The following GRM7 variants were observed in gnomAD, a reference collection of about 807,000 sequenced individuals.
The protein encoded by GRM7 is glutamate metabotropic receptor 7.
A neutral mutation model predicts 84.5 loss-of-function variants in GRM7; 35 were observed. That is an observed-to-expected ratio of 0.41 (90% confidence interval 0.32 to 0.55). The LOEUF is 0.55. GRM7 is among the 20% of genes least tolerant of loss of function. The pLI, the probability that GRM7 is intolerant of heterozygous loss-of-function variation, is 0.19. For missense variants in GRM7, 1,003 were observed against 1,194.6 expected (o/e 0.84, Z 2.36); for synonymous variants, 487 against 455.1 (o/e 1.07, Z -0.89).
intron 8 of GRM7, among the ~76,000 whole-genome samples, chr3:7,613,655 T>G (rs1409140506): frequency 6.6e-6 from 1 of 152,138 alleles, no homozygotes; most frequent in Non-Finnish European, 1.5e-5. Context: ...TATGACCCCT[T>G]CCTGTGGAAG....
chr3:7,258,646 G>A (rs978247741), intron 2 of GRM7, among the ~76,000 whole-genome samples: 11 of 152,190 alleles, frequency 7.2e-5, no homozygotes, highest in African/African-American at 2.7e-4. Flanking sequence ...TTTAAACATT[G>A]TATAAAGAAG....
chr3:7,030,367 A>G (rs1696145673), intron 1 of GRM7, among the ~76,000 whole-genome samples: 1 of 152,118 alleles, frequency 6.6e-6, no homozygotes, highest in Admixed American at 6.6e-5. Flanking sequence ...GCCCCTAGAC[A>G]CTTTTGGGGG....
At chr3:7,007,165 C>G (rs1478017538) in intron 1 of GRM7, among the ~76,000 whole-genome samples, 2 of 152,134 alleles carry the variant, frequency 1.3e-5, no homozygotes, top group African/African-American at 2.4e-5. Context: ...GGCAGGGGCC[C>G]TACTCCTGAT....
chr3:7,695,365 G>A (rs774169707), intron 9 of GRM7, among the ~76,000 whole-genome samples: 6 of 152,158 alleles, frequency 3.9e-5, no homozygotes, highest in Non-Finnish European at 7.3e-5. Flanking sequence ...CTGGCCTTTT[G>A]TAGGCAAAGT....
chr3:7,191,459 A>G (rs1241167601), intron 2 of GRM7, among the ~76,000 whole-genome samples: 1 of 152,126 alleles, frequency 6.6e-6, no homozygotes, highest in Non-Finnish European at 1.5e-5. Context: ...ACAAAATTCT[A>G]TGCACATATT....
intron 5 of GRM7, among the ~76,000 whole-genome samples, chr3:7,421,916 TAA>T (rs773501237): frequency 2.0e-3 from 160 of 78,796 alleles, no homozygotes; most frequent in South Asian, 5.4e-3. Flanking sequence ...CTACAAACAG[TAA>T]AAAAAAAAAA....
intron 4 of GRM7, among the ~76,000 whole-genome samples, chr3:7,316,385 A>G (rs1700583940): frequency 1.3e-5 from 2 of 152,164 alleles, no homozygotes; most frequent in Non-Finnish European, 2.9e-5. Flanking sequence ...AAGAAGGATA[A>G]TATCTAGGAG....
At chr3:7,010,656 G>T (rs1451447587) in intron 1 of GRM7, among the ~76,000 whole-genome samples, 3 of 152,160 alleles carry the variant, frequency 2.0e-5, no homozygotes, top group Non-Finnish European at 4.4e-5. Context: ...AGTAGAATAG[G>T]TTAGAGACAA....
intron 1 of GRM7, among the ~76,000 whole-genome samples, chr3:6,921,957 C>G (rs1392568643): frequency 6.6e-6 from 1 of 152,180 alleles, no homozygotes; most frequent in African/African-American, 2.4e-5. Flanking sequence ...AGTAACTCCT[C>G]TCACTGCTCA....
At chr3:6,905,055 C>T (rs1046160155) in intron 1 of GRM7, among the ~76,000 whole-genome samples, 3 of 152,106 alleles carry the variant, frequency 2.0e-5, no homozygotes, top group Admixed American at 6.6e-5. Flanking sequence ...GCAAGTTCTC[C>T]GTCTTGGTTT....
At chr3:7,554,183 A>T (rs1693640172) in intron 7 of GRM7, among the ~76,000 whole-genome samples, 1 of 152,250 alleles carries the variant, frequency 6.6e-6, no homozygotes, top group Non-Finnish European at 1.5e-5. Context: ...GAATATATAC[A>T]GTCCTTGAAC....
chr3:6,949,539 G>A (rs954607583), intron 1 of GRM7, among the ~76,000 whole-genome samples: 1 of 151,846 alleles, frequency 6.6e-6, no homozygotes, highest in African/African-American at 2.4e-5. Context: ...GTGTCTTGGA[G>A]TTGCTCTTCT....
chr3:7,571,612 G>A (rs953922326), intron 7 of GRM7, among the ~76,000 whole-genome samples: 1 of 152,122 alleles, frequency 6.6e-6, no homozygotes, highest in Non-Finnish European at 1.5e-5. Flanking sequence ...CAAGTCTTTA[G>A]AGAGTTCCAA....
At chr3:7,099,706 TTATACA>T (rs1277328090) in intron 1 of GRM7, among the ~76,000 whole-genome samples, 11 of 84,788 alleles carry the variant, frequency 1.3e-4, no homozygotes, top group African/African-American at 1.2e-3. Context: ...TGTACACGCA[TTATACA>T]TGTGCACATA....
intron 1 of GRM7, among the ~76,000 whole-genome samples, chr3:7,082,124 C>T (rs1698293400): frequency 6.6e-6 from 1 of 152,074 alleles, no homozygotes; most frequent in African/African-American, 2.4e-5. Context: ...ATAAAACAGG[C>T]TCCTGTTGGA....
intron 8 of GRM7, among the ~76,000 whole-genome samples, chr3:7,598,045 A>G (rs1484139928): frequency 6.6e-6 from 1 of 152,178 alleles, no homozygotes; most frequent in East Asian, 1.9e-4. Context: ...CCTTGACCCT[A>G]GGATACAGGT....
At chr3:7,374,386 C>T (rs115018641) in intron 4 of GRM7, among the ~76,000 whole-genome samples, 3,407 of 152,118 alleles carry the variant, frequency 0.022, 57 homozygotes, top group Non-Finnish European at 0.035. Flanking sequence ...GCTTTGTTGC[C>T]CAGGCTGGTC....
intron 2 of GRM7, among the ~76,000 whole-genome samples, chr3:7,251,021 G>C (rs1000722570): frequency 4.6e-5 from 7 of 152,144 alleles, no homozygotes; most frequent in African/African-American, 1.7e-4. Flanking sequence ...CTAGAATGGA[G>C]GTACAGAGTG....
intron 1 of GRM7, among the ~76,000 whole-genome samples, chr3:7,055,661 C>T (rs919653197): frequency 2.6e-5 from 4 of 151,718 alleles, no homozygotes; most frequent in African/African-American, 9.7e-5. Flanking sequence ...GCTGGGATTA[C>T]AGGCGTGCAC....
Sources: allele counts gnomAD v4.1 joint callset (sites outside exome capture counted in the v4.1 genomes callset), GRCh38; gene constraint gnomAD v4.1.1; transcripts MANE v1.5; gene names NCBI Gene and HGNC (gene_info 2026-07-23, HGNC 2026-07-21).